Variants in CHRM3 observed in about 807,000 individuals in gnomAD.
CHRM3 encodes the protein cholinergic receptor muscarinic 3.
In CHRM3, 11 loss-of-function variants were observed where a neutral mutation model predicts 41.8. That is an observed-to-expected ratio of 0.26 (90% CI 0.17 to 0.44). The LOEUF is 0.44. Among genes scored for constraint, CHRM3 ranks in the 20% least tolerant of loss-of-function variants. CHRM3 has a pLI of 1.00. For missense variants in CHRM3, 571 were observed against 745.4 expected, an observed-to-expected ratio of 0.77 and a Z score of 2.72; for synonymous variants, 297 against 301.4, an observed-to-expected ratio of 0.99 and a Z score of 0.15.
intron 3 of CHRM3, among the ~76,000 whole-genome samples, chr1:239,587,610 A>G (rs1663564188): frequency 6.6e-6 from 1 of 152,204 alleles, no homozygotes; most frequent in African/African-American, 2.4e-5. Flanking sequence ...TGATCAAATT[A>G]CCGGTAGACA....
At chr1:239,547,371 G>C (rs575905357) in intron 3 of CHRM3, among the ~76,000 whole-genome samples, 1 of 152,268 alleles carries the variant, frequency 6.6e-6, no homozygotes, top group African/African-American at 2.4e-5. Context: ...GCATAGGCTT[G>C]TTGTATGGAT....
chr1:239,874,315 A>ATATATATATATC (rs1676921976), intron 6 of CHRM3, among the ~76,000 whole-genome samples: 1 of 124,166 alleles, frequency 8.1e-6, no homozygotes, highest in African/African-American at 3.5e-5. Flanking sequence ...ATATATATAT[A>ATATATATATATC]TATATATATA....
chr1:239,812,520 A>G (rs753632251), intron 5 of CHRM3, among the ~76,000 whole-genome samples: 2 of 152,246 alleles, frequency 1.3e-5, no homozygotes, highest in African/African-American at 2.4e-5. Flanking sequence ...GGGTTTTTGC[A>G]TAATTAAATA....
chr1:239,780,552 T>G (rs1668435544), intron 5 of CHRM3, among the ~76,000 whole-genome samples: 1 of 152,164 alleles, frequency 6.6e-6, no homozygotes, highest in Non-Finnish European at 1.5e-5. Flanking sequence ...AATATTTTCT[T>G]CCAGTCTGTG....
chr1:239,468,375 T>C (rs1360427259), intron 1 of CHRM3, among the ~76,000 whole-genome samples: 1 of 152,208 alleles, frequency 6.6e-6, no homozygotes, highest in African/African-American at 2.4e-5. Flanking sequence ...TAATGGTAAA[T>C]ATATGTTTTC....
rs899447536 is a variant in CHRM3, at chr1:239,907,294, G to C, written c.-19-139G>C. ...TAGACTCCACTTATTTAAAATAAGA[G>C]AATGAACTTGATGTTTGGCTTCATA... On this transcript the variant is annotated intron_variant, in intron 6 of 6. Coordinates refer to ENST00000676153, the MANE Select transcript of CHRM3 (RefSeq NM_001375978.1). This position sits in a 1 kb window ranked among gnomAD's most constrained non-coding sequence, Gnocchi z 5.4. The C allele has an allele frequency of 4.0e-5, 25 of 624,568 alleles. No individual in the cohort carries two copies. Among genetic ancestry groups the C allele is most frequent in the Non-Finnish European group, 6.7e-5 (24 of 360,272 alleles). 38.7% of individuals were successfully genotyped at this position (624,568 alleles called of 1,614,324 possible). A position where few individuals can be genotyped will look rare whatever the true frequency, so the allele number is the denominator to read the frequency against.
chr1:239,743,974 G>GTTT (rs748303241), intron 5 of CHRM3, among the ~76,000 whole-genome samples: 4 of 128,042 alleles, frequency 3.1e-5, no homozygotes, highest in Admixed American at 8.0e-5. Flanking sequence ...TTTTTTTTAA[G>GTTT]TTTTTTTTTT....
chr1:239,752,881 G>T (rs778328030), intron 5 of CHRM3, among the ~76,000 whole-genome samples: 2 of 152,058 alleles, frequency 1.3e-5, no homozygotes, highest in Non-Finnish European at 2.9e-5. Context: ...AAGAATTAGG[G>T]TCAGGGTTTA....
chr1:239,837,297 G>T (rs2149134431), intron 6 of CHRM3, among the ~76,000 whole-genome samples: 1 of 152,270 alleles, frequency 6.6e-6, no homozygotes, highest in African/African-American at 2.4e-5. Flanking sequence ...GATCAAGAGT[G>T]CCAGAGAAAT....
intron 5 of CHRM3, among the ~76,000 whole-genome samples, chr1:239,753,234 A>G (rs1347055496): frequency 6.6e-6 from 1 of 152,192 alleles, no homozygotes; most frequent in Non-Finnish European, 1.5e-5. Flanking sequence ...AATTATGTCT[A>G]TGTTGTTCAG....
rs1328559688 is a variant in CHRM3 at position 239,421,621 on chromosome 1, C to G, written c.-521+34394C>G. Among the ~76,000 whole-genome samples, 4 of 152,148 alleles carry G rather than the reference C, an allele frequency of 2.6e-5. No individual in the cohort carries two copies. In the East Asian group the frequency reaches 7.7e-4, roughly 29 times the overall value. The stretch of plus-strand genomic sequence containing the variant: ...TGTTTTTAAAAATAACTTCTTTGCT[C>G]TCTAAAGATATTAACTGATCTATCA... On this transcript the variant is annotated intron_variant, in intron 1 of 6. Transcript: ENST00000676153.
intron 4 of CHRM3, among the ~76,000 whole-genome samples, chr1:239,675,662 G>C (rs963901381): frequency 9.9e-5 from 15 of 152,104 alleles, no homozygotes; most frequent in South Asian, 8.3e-4. Flanking sequence ...ATGTTATAAG[G>C]TATCAGAAAG....
At chr1:239,806,444 C>A (rs12749330) in intron 5 of CHRM3, among the ~76,000 whole-genome samples, 59,444 of 122,884 alleles carry the variant, frequency 0.48, 13,600 homozygotes, top group South Asian at 0.58. Flanking sequence ...ACACACACAC[C>A]CCTGTGGACA....
At chr1:239,602,139 T>A (rs980069541) in intron 3 of CHRM3, among the ~76,000 whole-genome samples, 8 of 145,554 alleles carry the variant, frequency 5.5e-5, no homozygotes, top group African/African-American at 1.8e-4. Context: ...TATATATATA[T>A]AATTTTGTTT....
intron 5 of CHRM3, among the ~76,000 whole-genome samples, chr1:239,722,421 C>A (rs1663059543): frequency 1.3e-5 from 2 of 151,868 alleles, no homozygotes; most frequent in African/African-American, 4.8e-5. Flanking sequence ...ATTTTTGCTA[C>A]CTTAAAAAGA....
Position 239,550,970 on chromosome 1 carries a change from C to T in CHRM3, c.-313+5221C>T, listed in dbSNP as rs141689815. ...ATTTCTTTTGATTGCTTTTGTTCAACATTCCAGGCTTGAATTCATCACTGT... is the reference window on the plus strand; with the variant it reads ...ATTTCTTTTGATTGCTTTTGTTCAATATTCCAGGCTTGAATTCATCACTGT... On this transcript the variant is annotated intron_variant, in intron 3 of 6. Coordinates refer to ENST00000676153, the MANE Select transcript of CHRM3 (RefSeq NM_001375978.1). Among the ~76,000 whole-genome samples, 1,018 of 151,926 alleles carry T rather than the reference C, an allele frequency of 6.7e-3. 5 individuals are homozygous for T. Among genetic ancestry groups the T allele is most frequent in the South Asian group, 0.025 (121 of 4,812 alleles).
chr1:239,778,896 A>G (rs1400120242), intron 5 of CHRM3, among the ~76,000 whole-genome samples: 1 of 152,162 alleles, frequency 6.6e-6, no homozygotes. Flanking sequence ...TCCTATCCTT[A>G]AAAGAGACAC....
chr1:239,563,914 T>C (rs989438140), intron 3 of CHRM3, among the ~76,000 whole-genome samples: 3 of 152,200 alleles, frequency 2.0e-5, no homozygotes, highest in Non-Finnish European at 4.4e-5. Flanking sequence ...TTCCTCTTTT[T>C]CATGAACACT....
chr1:239,902,888 A>G (rs964837802), intron 6 of CHRM3, among the ~76,000 whole-genome samples: 9 of 152,314 alleles, frequency 5.9e-5, no homozygotes, highest in African/African-American at 2.2e-4. Context: ...CTCATCTCAT[A>G]CTGCACATCT....
Sources: allele counts gnomAD v4.1 joint callset (sites outside exome capture counted in the v4.1 genomes callset), GRCh38; gene constraint gnomAD v4.1.1; non-coding constraint Gnocchi (gnomAD v3.1); transcripts MANE v1.5; gene names NCBI Gene and HGNC (gene_info 2026-07-23, HGNC 2026-07-21).